The following SLK variants were observed in gnomAD, a reference collection of about 807,000 sequenced individuals.
SLK encodes STE20-like serine/threonine-protein kinase.
In SLK, 67 loss-of-function variants were observed where a neutral mutation model predicts 147.7. The ratio of observed to expected loss-of-function variants is 0.45; its 90% CI spans 0.37 to 0.56. SLK has a LOEUF of 0.56. Among genes scored for constraint, SLK ranks in the 20% least tolerant of loss-of-function variants. The pLI is 0.00. For missense variants in SLK, 1,136 were observed against 1,438.8 expected (o/e 0.79, Z 3.41); for synonymous variants, 441 against 475.0 (o/e 0.93, Z 0.93).
At chr10:103,993,307 C>G (rs1006347591) in intron 4 of SLK, among the ~76,000 whole-genome samples, 174 bp downstream of exon 4, 1 of 151,964 alleles carries the variant, frequency 6.6e-6, no homozygotes, top group African/African-American at 2.4e-5. Flanking sequence ...TCTATAATTT[C>G]TAAATATCAG....
At chr10:103,992,549 A>C (rs1844110799) in intron 2 of SLK, 49 bp from the exon 3 acceptor site, 1 of 1,362,412 alleles carries the variant, frequency 7.3e-7, no homozygotes, top group Non-Finnish European at 9.6e-7. Context: ...GAAACTCAAA[A>C]CTCCATGTAG....
chr10:104,011,646 C>T (rs1844402117), intron 13 of SLK, among the ~76,000 whole-genome samples: 1 of 150,830 alleles, frequency 6.6e-6, no homozygotes, highest in Admixed American at 6.6e-5. Context: ...CTGCAGCCTC[C>T]GCCTCCTGGG....
In SLK at chr10:104,003,539, T is replaced by C; in HGVS notation, c.2349+12T>C. 1.3e-6 allele frequency: 2 copies of C among 1,524,298 alleles called. No homozygotes were observed. The highest frequency in any genetic ancestry group is 4.4e-5 in the Admixed American group (2 of 45,010). 94.4% of individuals were successfully genotyped at this position (1,524,298 alleles called of 1,614,324 possible). On this transcript the variant is annotated intron_variant, in intron 9 of 18. Transcript: ENST00000369755. The stretch of plus-strand genomic sequence containing the variant: ...CGATATCTTTACAAGTAAGTGTACA[T>C]GAGTCATTGTTTGGGTTTTCCTTTG...
In SLK at chr10:103,976,985, C is replaced by T. The variant is rs144647347; in HGVS notation, c.150+9090C>T. On this transcript the variant is annotated intron_variant, in intron 1 of 18. Transcript: ENST00000369755. ...TATGCACTGTAGGATGCATCCCTGACCCTACCCCTTTGTGACAACCTAAAA... is the reference window on the plus strand; with the variant it reads ...TATGCACTGTAGGATGCATCCCTGATCCTACCCCTTTGTGACAACCTAAAA... Among the ~76,000 whole-genome samples, 599 of 152,280 alleles carry T rather than the reference C, an allele frequency of 3.9e-3. 2 individuals are homozygous for T. Among genetic ancestry groups the T allele is most frequent in the Middle Eastern group, 0.031 (9 of 294 alleles).
chr10:104,010,635 A>T (rs1844387463), intron 12 of SLK, among the ~76,000 whole-genome samples, 181 bp from the exon 13 acceptor site: 1 of 152,226 alleles, frequency 6.6e-6, no homozygotes, highest in East Asian at 1.9e-4. Flanking sequence ...CCCTTTCTGC[A>T]CTGAGATTAT....
intron 1 of SLK, among the ~76,000 whole-genome samples, chr10:103,982,612 G>A (rs140131698): frequency 2.0e-5 from 3 of 152,128 alleles, no homozygotes; most frequent in Admixed American, 1.3e-4. Flanking sequence ...ATGTACAGTC[G>A]ATCCTCATTA....
intron 13 of SLK, among the ~76,000 whole-genome samples, chr10:104,014,775 AACTTGT>A (rs1278826206): frequency 6.6e-6 from 1 of 152,184 alleles, no homozygotes; most frequent in African/African-American, 2.4e-5. Flanking sequence ...TCCACATTTA[AACTTGT>A]ACTTTTAAAG....
At position 104,025,598 on chromosome 10, in the gene SLK, A is replaced by G. The variant is rs1844587351; in HGVS notation, c.3586A>G (p.Lys1196Glu). Reference sequence around the variant, plus strand: ...GACACTGGAAGAAGAGTTTGCCAGGAAACTACAGGAACAGGAAGTATTCTT... The same window carrying G: ...GACACTGGAAGAAGAGTTTGCCAGGGAACTACAGGAACAGGAAGTATTCTT... The part of the protein sequence containing the change: ...KKTLEEEFAR[K>E]LQEQEVFFKM... The change falls in exon 19 of 19, where the codon AAA becomes GAA. Residue 1196 changes from lysine to glutamate, a missense_variant. By Grantham distance (56) the Lys-to-Glu change is moderately conservative (BLOSUM62 1). Transcript: ENST00000369755. 1 of 1,613,996 alleles carries G rather than the reference A, an allele frequency of 6.2e-7. No homozygotes were observed. The highest frequency in any genetic ancestry group is 1.1e-5 in the South Asian group (1 of 91,064).
At chr10:103,987,380 T>G (rs1304169354) in intron 1 of SLK, among the ~76,000 whole-genome samples, 1 of 152,206 alleles carries the variant, frequency 6.6e-6, no homozygotes, top group Non-Finnish European at 1.5e-5. Flanking sequence ...TTTTAGTGGC[T>G]GCGTCATTTT....
intron 12 of SLK, among the ~76,000 whole-genome samples, chr10:104,008,675 A>G (rs1396530089): frequency 6.6e-6 from 1 of 152,210 alleles, no homozygotes; most frequent in Non-Finnish European, 1.5e-5. Flanking sequence ...AATTGAGTTT[A>G]ATCCATCTTA....
rs1007205976 is a variant in SLK at position 104,024,839 on chromosome 10, C to T, written c.3562-735C>T. ...GGCCCTCATTTGGGTTACAGACTGC[C>T]GACTTCTCACCGTGTCCTCACAGGG... On this transcript the variant is annotated intron_variant, in intron 18 of 18. Transcript: ENST00000369755. Among the ~76,000 whole-genome samples the T allele has an allele frequency of 4.6e-5, 7 of 152,226 alleles. No homozygotes were observed. In the East Asian group the frequency reaches 1.3e-3, roughly 29 times the overall value.
At chr10:103,992,745 C>T (rs2476953) in intron 3 of SLK, 99 bp downstream of exon 3, 131,623 of 771,884 alleles carry the variant, frequency 0.17, 18,227 homozygotes, top group African/African-American at 0.35. Flanking sequence ...ATGTAAGTAT[C>T]GAGTAAAGTT....
intron 1 of SLK, among the ~76,000 whole-genome samples, chr10:103,989,464 C>CTTGTTTTTTTTTTT (rs1844060541): frequency 1.3e-5 from 1 of 78,618 alleles, no homozygotes; most frequent in African/African-American, 5.2e-5. Flanking sequence ...GTGGCAGTTT[C>CTTGTTTTTTTTTTT]TTTTTTTTTT....
chr10:103,988,524 T>G (rs1455060231), intron 1 of SLK, among the ~76,000 whole-genome samples: 4 of 152,214 alleles, frequency 2.6e-5, no homozygotes, highest in African/African-American at 9.6e-5. Flanking sequence ...ACACAAAAAT[T>G]TGCAACCTCC....
intron 12 of SLK, among the ~76,000 whole-genome samples, chr10:104,008,694 C>T (rs954773569): frequency 2.0e-5 from 3 of 152,212 alleles, no homozygotes; most frequent in Non-Finnish European, 4.4e-5. Flanking sequence ...TAAGGTCTAC[C>T]ATTGTCCTTA....
chr10:103,988,433 C>T (rs1179507784), intron 1 of SLK, among the ~76,000 whole-genome samples: 1 of 151,546 alleles, frequency 6.6e-6, no homozygotes, highest in Admixed American at 6.6e-5. Context: ...TTATTTATAT[C>T]CTACTGCCCA....
At chr10:104,011,587 A>T (rs1173690623) in intron 13 of SLK, among the ~76,000 whole-genome samples, 4 of 149,692 alleles carry the variant, frequency 2.7e-5, no homozygotes, top group African/African-American at 9.9e-5. Context: ...GGTGAATTGG[A>T]GTCTCGCTCT....
At chr10:104,014,149 A>G (rs181715719) in intron 13 of SLK, among the ~76,000 whole-genome samples, 19 of 152,276 alleles carry the variant, frequency 1.2e-4, no homozygotes, top group South Asian at 4.1e-4. Context: ...CTGTGATTAG[A>G]TTTTTATTTT....
In SLK at chr10:103,983,837, G is replaced by A. The variant is rs1253853425; in HGVS notation, c.151-6838G>A. Among the ~76,000 whole-genome samples the A allele has an allele frequency of 2.0e-5, 3 of 152,110 alleles. No homozygotes were observed. The East Asian group carries it at 5.8e-4, about 29-fold the overall frequency. ...AAAAGTTTGGGTCGCAGTCTCACAG[G>A]ACCCCTCTTCAGAGACAACAGCACC... On this transcript the variant is annotated intron_variant, in intron 1 of 18. Coordinates refer to ENST00000369755, the MANE Select transcript of SLK (RefSeq NM_014720.4).
Sources: gnomAD v4.1 joint callset for allele counts (sites outside exome capture counted in the v4.1 genomes callset) on GRCh38, gnomAD v4.1.1 for gene constraint, MANE v1.5 for transcripts, NCBI Gene and HGNC (gene_info 2026-07-23, HGNC 2026-07-21) for gene names.